The following ARL17B variants were observed in gnomAD, a reference collection of about 807,000 sequenced individuals.
ARL17B encodes the protein ADP-ribosylation factor-like protein 17.
At chr17:46,340,284 C>A (rs2052478240) in intron 3 of ARL17B, among the ~76,000 whole-genome samples, 1 of 72,978 alleles carries the variant, frequency 1.4e-5, no homozygotes, top group East Asian at 2.5e-4. Context: ...GGCACGATCT[C>A]AGCTCACTGC....
chr17:46,327,523 G>C lies in ARL17B; in HGVS notation c.259+25297C>G, dbSNP rs1446866017. 1.3e-3 allele frequency among the ~76,000 whole-genome samples: 23 copies of C among 17,512 alleles called. 6 individuals carry two copies. Among genetic ancestry groups the C allele is most frequent in the African/African-American group, 2.2e-3 (22 of 10,164 alleles). The allele number at this position is 17,512 out of a possible 152,430, so 11.5% of individuals were successfully genotyped here. A position where few individuals can be genotyped will look rare whatever the true frequency, so the allele number is the denominator to read the frequency against. The stretch of plus-strand genomic sequence containing the variant: ...TTGGAGGATCCCTTGAGCCCAGGGG[G>C]GTTGAGGCTGCATTGAGGTATAATT... On this transcript the variant is annotated intron_variant, in intron 3 of 4. Transcript: ENST00000434041.
intron 4 of ARL17B, among the ~76,000 whole-genome samples, chr17:46,279,182 T>C (rs1390669585): frequency 1.3e-5 from 2 of 151,524 alleles, no homozygotes; most frequent in East Asian, 1.9e-4. Flanking sequence ...ATTCTTTTTT[T>C]TCTTTTTTTT....
chr17:46,291,524 C>T (rs2143464066), intron 4 of ARL17B, among the ~76,000 whole-genome samples: 1 of 151,776 alleles, frequency 6.6e-6, no homozygotes, highest in Non-Finnish European at 1.5e-5. Flanking sequence ...TAAGGGTTGA[C>T]TGGGCTACAC....
intron 4 of ARL17B, among the ~76,000 whole-genome samples, chr17:46,286,874 T>C (rs1460063987): frequency 6.6e-6 from 1 of 152,240 alleles, no homozygotes; most frequent in Admixed American, 6.5e-5. Flanking sequence ...TCATTACAGA[T>C]GTACACATCC....
intron 4 of ARL17B, among the ~76,000 whole-genome samples, chr17:46,276,926 C>G (rs2049605462): frequency 1.3e-5 from 2 of 152,024 alleles, no homozygotes; most frequent in Admixed American, 1.3e-4. Flanking sequence ...ACCTCAGCCT[C>G]CTGGGTAGCT....
chr17:46,311,901 A>C (rs1247108114), intron 3 of ARL17B, among the ~76,000 whole-genome samples: 2 of 59,490 alleles, frequency 3.4e-5, no homozygotes, highest in African/African-American at 8.2e-5. Flanking sequence ...CTTGAACCAG[A>C]AATGGAAATG....
intron 3 of ARL17B, among the ~76,000 whole-genome samples, chr17:46,327,278 C>G (rs1257530651): frequency 3.4e-5 from 2 of 59,470 alleles, no homozygotes; most frequent in Admixed American, 3.7e-4. Context: ...TTCCAGGTCT[C>G]TCCATTGTAA....
chr17:46,290,738 C>T (rs1182195090), intron 4 of ARL17B, among the ~76,000 whole-genome samples: 2 of 152,238 alleles, frequency 1.3e-5, no homozygotes, highest in South Asian at 2.1e-4. Flanking sequence ...TGAGCCATTG[C>T]GCCCAGCCTC....
chr17:46,274,256 A>G (rs2049530921), downstream of ARL17B, among the ~76,000 whole-genome samples: 1 of 152,268 alleles, frequency 6.6e-6, no homozygotes, highest in African/African-American at 2.4e-5. Context: ...TTAATACAAA[A>G]AGAAAAATTA....
At chr17:46,282,847 G>A (rs1291946461) in intron 4 of ARL17B, among the ~76,000 whole-genome samples, 4 of 152,216 alleles carry the variant, frequency 2.6e-5, no homozygotes, top group Non-Finnish European at 5.9e-5. Flanking sequence ...GGCTGGGCGC[G>A]GTGGCTCATG....
intron 4 of ARL17B, among the ~76,000 whole-genome samples, chr17:46,282,004 G>C (rs2049774970): frequency 6.6e-6 from 1 of 151,998 alleles, no homozygotes; most frequent in Non-Finnish European, 1.5e-5. Flanking sequence ...TACTTTTCTT[G>C]CTTCCTTGCC....
chr17:46,287,265 C>T (rs1260847308), intron 4 of ARL17B, among the ~76,000 whole-genome samples: 2 of 152,242 alleles, frequency 1.3e-5, no homozygotes, highest in African/African-American at 2.4e-5. Context: ...GTAATGTCTT[C>T]CTCTGAATGA....
chr17:46,286,653 GA>G (rs67255413), intron 4 of ARL17B, among the ~76,000 whole-genome samples: 21,611 of 149,508 alleles, frequency 0.14, 2,013 homozygotes, highest in Middle Eastern at 0.22. Context: ...GGGAAAAAGA[GA>G]AAAAAAAATG....
downstream of ARL17B, among the ~76,000 whole-genome samples, chr17:46,298,696 C>T (rs2143533194): frequency 9.5e-6 from 1 of 105,008 alleles, no homozygotes; most frequent in South Asian, 3.8e-4. Context: ...TGCACTCCAG[C>T]CTGGGCGACA....
intron 3 of ARL17B, among the ~76,000 whole-genome samples, chr17:46,304,860 CTTGTTTGT>C (rs1295057613): frequency 5.0e-5 from 3 of 59,862 alleles, no homozygotes; most frequent in Admixed American, 1.9e-4. Flanking sequence ...AAATGTGAGA[CTTGTTTGT>C]TTGTTTGTTT....
intron 4 of ARL17B, among the ~76,000 whole-genome samples, chr17:46,275,648 T>A (rs1033537963): frequency 6.6e-6 from 1 of 152,242 alleles, no homozygotes; most frequent in African/African-American, 2.4e-5. Flanking sequence ...TTAAAATATG[T>A]ATGTATATAT....
chr17:46,282,508 G>A (rs2049796146), intron 4 of ARL17B, among the ~76,000 whole-genome samples: 2 of 151,040 alleles, frequency 1.3e-5, no homozygotes, highest in South Asian at 4.2e-4. Context: ...TCAAACTCCT[G>A]TACTCAAGTG....
At position 46,287,729 on chromosome 17, in the gene ARL17B, G is replaced by A. The variant is rs2950678; in HGVS notation, c.*21+11797C>T. ...GAAGGAGCTGCTTCAGTTCAACATC[G>A]GGGACATGGTATGGGGAAGGATGCA... On this transcript the variant is annotated intron_variant, in intron 4 of 4. Coordinates refer to the ARL17B transcript ENST00000570618. Among the ~76,000 whole-genome samples, 1,252 of 152,244 alleles carry A rather than the reference G, an allele frequency of 8.2e-3. 20 individuals carry two copies. The highest frequency in any genetic ancestry group is 0.027 in the African/African-American group (1,103 of 41,510).
intron 4 of ARL17B, among the ~76,000 whole-genome samples, chr17:46,288,393 CTG>C (rs1280893700): frequency 1.3e-5 from 2 of 149,396 alleles, no homozygotes; most frequent in African/African-American, 5.0e-5. Context: ...ACTGCAACCT[CTG>C]TCTCCTGGCT....
Sources: allele counts gnomAD v4.1 joint callset (sites outside exome capture counted in the v4.1 genomes callset), GRCh38; gene constraint gnomAD v4.1.1; transcripts MANE v1.5; gene names NCBI Gene and HGNC (gene_info 2026-07-23, HGNC 2026-07-21).